Variants in ADAM9 observed in about 807,000 individuals in gnomAD.
ADAM9 encodes the protein disintegrin and metalloproteinase domain-containing protein 9.
A neutral mutation model predicts 108.1 loss-of-function variants in ADAM9; 54 were observed. The ratio of observed to expected loss-of-function variants is 0.50; its 90% CI spans 0.40 to 0.63. The LOEUF is 0.63. Among genes scored for constraint, ADAM9 ranks in the 20% least tolerant of loss-of-function variants. The pLI is 0.00. For synonymous variants in ADAM9, 316 were observed against 336.0 expected, an observed-to-expected ratio of 0.94 and a Z score of 0.65; for missense variants, 830 against 997.7, an observed-to-expected ratio of 0.83 and a Z score of 2.26.
chr8:39,026,879 T>G, intron 11 of ADAM9, 69 bp downstream of exon 11: 1 of 1,582,846 alleles, frequency 6.3e-7, no homozygotes, highest in African/African-American at 1.3e-5. Flanking sequence ...CTGTGAGGGA[T>G]ATTCATGTCT....
chr8:39,032,583 C>T (rs1837132101), intron 11 of ADAM9, among the ~76,000 whole-genome samples: 1 of 152,222 alleles, frequency 6.6e-6, no homozygotes, highest in African/African-American at 2.4e-5. Flanking sequence ...GTCACGGCTT[C>T]CCTTGGCTAG....
intron 11 of ADAM9, among the ~76,000 whole-genome samples, chr8:39,028,223 G>A (rs1157835678): frequency 6.6e-6 from 1 of 152,196 alleles, no homozygotes; most frequent in African/African-American, 2.4e-5. Context: ...TTCAGCTGAA[G>A]TTCTGAGTGG....
At chr8:39,014,116 C>T in intron 4 of ADAM9, 73 bp downstream of exon 4, 1 of 1,210,268 alleles carries the variant, frequency 8.3e-7, no homozygotes, top group Non-Finnish European at 1.2e-6. Flanking sequence ...TCTGTATAGG[C>T]ACTCAGGACT....
chr8:38,998,621 G>GC (rs1835900838), intron 1 of ADAM9, among the ~76,000 whole-genome samples: 1 of 152,190 alleles, frequency 6.6e-6, no homozygotes, highest in African/African-American at 2.4e-5. Context: ...GGCAGAAGGT[G>GC]ACCAAATATG....
At chr8:39,085,441 T>C (rs1432023132) in intron 18 of ADAM9, among the ~76,000 whole-genome samples, 3 of 152,236 alleles carry the variant, frequency 2.0e-5, no homozygotes, top group African/African-American at 7.2e-5. Flanking sequence ...TTTTCATTTA[T>C]GTAAATTTGC....
At chr8:39,089,727 CTG>C in intron 18 of ADAM9, 1 of 347,144 alleles carries the variant, frequency 2.9e-6, no homozygotes, top group South Asian at 2.5e-5. Flanking sequence ...TGGAAAAAAA[CTG>C]ATGCACCAAA....
intron 19 of ADAM9, 71 bp downstream of exon 19, chr8:39,090,259 T>G: frequency 2.2e-6 from 3 of 1,357,672 alleles, no homozygotes; most frequent in South Asian, 2.6e-5. Context: ...GAATCTCGAC[T>G]TCCCTGGGCT....
At chr8:39,068,675 CAAAAAAAAAAAAAAAAAAAAAAAAAAAA>C (rs562274321) in intron 14 of ADAM9, among the ~76,000 whole-genome samples, 2 of 42,044 alleles carry the variant, frequency 4.8e-5, no homozygotes, top group Non-Finnish European at 9.3e-5. Flanking sequence ...AACTTCTCCT[CAAAAAAAAAAAAAAAAAAAAAAAAAAAA>C]AAAAAAAAAA....
intron 11 of ADAM9, among the ~76,000 whole-genome samples, chr8:39,028,529 T>G (rs755562386): frequency 2.0e-5 from 3 of 152,092 alleles, no homozygotes; most frequent in Non-Finnish European, 4.4e-5. Context: ...AGTCATAGAT[T>G]AAAATAAAAA....
At chr8:39,038,750 A>C (rs1837362975) in intron 11 of ADAM9, among the ~76,000 whole-genome samples, 1 of 152,176 alleles carries the variant, frequency 6.6e-6, no homozygotes, top group Non-Finnish European at 1.5e-5. Context: ...TCCTCCCCAC[A>C]ATATTCTTAG....
At chr8:39,014,445 T>A (rs1048469212) in intron 4 of ADAM9, 2 of 636,758 alleles carry the variant, frequency 3.1e-6, no homozygotes, top group Non-Finnish European at 5.6e-6. Context: ...TGATGTTATG[T>A]GTTCTAATGT....
chr8:39,052,506 A>G (rs1837989450), intron 12 of ADAM9, among the ~76,000 whole-genome samples: 1 of 152,108 alleles, frequency 6.6e-6, no homozygotes, highest in African/African-American at 2.4e-5. Flanking sequence ...AGAAATTTGT[A>G]TCTTGACCTG....
intron 2 of ADAM9, among the ~76,000 whole-genome samples, chr8:39,011,345 T>C (rs538196250): frequency 5.3e-5 from 8 of 152,326 alleles, no homozygotes; most frequent in South Asian, 2.1e-4. Context: ...GGAACTATCT[T>C]TGTACTGTAG....
chr8:39,052,184 G>A (rs1837979397), intron 12 of ADAM9, among the ~76,000 whole-genome samples: 1 of 151,972 alleles, frequency 6.6e-6, no homozygotes, highest in Admixed American at 6.6e-5. Flanking sequence ...CTTAATTTTG[G>A]CAAGCTGATG....
chr8:39,016,216 CTT>C, intron 5 of ADAM9, 22 bp downstream of exon 5: 1 of 1,581,042 alleles, frequency 6.3e-7, no homozygotes, highest in Non-Finnish European at 8.7e-7. Flanking sequence ...CCTTTATCTT[CTT>C]TTTTTTTGTT....
At position 39,103,946 on chromosome 8, in the gene ADAM9, G is replaced by T. The variant is rs1220452468; in HGVS notation, c.*246G>T. The stretch of plus-strand genomic sequence containing the variant: ...TCCATCATTGAATAAGTCTTATTCA[G>T]TCATCGGTGAGGTTAATGCACTAAT... On this transcript the variant is annotated 3_prime_UTR_variant, in exon 22 of 22. Transcript: ENST00000487273. The T allele has an allele frequency of 6.1e-6, 4 of 651,068 alleles. No individual in the cohort carries two copies. The highest frequency in any genetic ancestry group is 1.1e-5 in the Non-Finnish European group (4 of 354,512). 40.3% of individuals were successfully genotyped at this position (651,068 alleles called of 1,614,324 possible).
intron 14 of ADAM9, among the ~76,000 whole-genome samples, chr8:39,061,470 C>CA (rs1326168320): frequency 6.6e-6 from 1 of 152,144 alleles, no homozygotes; most frequent in Non-Finnish European, 1.5e-5. Context: ...TGGGTTTGCT[C>CA]AATTATTTCA....
chr8:38,997,185 T>C, intron 1 of ADAM9, 25 bp downstream of exon 1: 2 of 1,589,256 alleles, frequency 1.3e-6, no homozygotes, highest in South Asian at 1.1e-5. Context: ...CCCGGGTCGG[T>C]TGGGACGGCT....
intron 14 of ADAM9, among the ~76,000 whole-genome samples, chr8:39,061,938 A>AGT (rs984964592): frequency 1.3e-5 from 2 of 151,920 alleles, no homozygotes; most frequent in African/African-American, 4.8e-5. Flanking sequence ...AATGGCAGAC[A>AGT]CTTATTTCTC....
Sources: allele counts gnomAD v4.1 joint callset (sites outside exome capture counted in the v4.1 genomes callset), GRCh38; gene constraint gnomAD v4.1.1; transcripts MANE v1.5; gene names NCBI Gene and HGNC (gene_info 2026-07-23, HGNC 2026-07-21).